DYM: variants seen among roughly 807,000 people sequenced by gnomAD.
The protein encoded by DYM is dyggve-Melchior-Clausen syndrome protein.
A neutral mutation model predicts 93.1 loss-of-function variants in DYM; 78 were observed. That is an observed-to-expected ratio of 0.84 (90% CI 0.70 to 1.01). The LOEUF is 1.01. DYM is among the 50% of genes least tolerant of loss of function. The pLI is 0.00. For synonymous variants in DYM, 321 were observed against 319.7 expected (o/e 1.00, Z -0.04); for missense variants, 789 against 845.0 (o/e 0.93, Z 0.82).
At chr18:49,092,583 C>T (rs542148885) in intron 17 of DYM, among the ~76,000 whole-genome samples, 20 of 152,332 alleles carry the variant, frequency 1.3e-4, no homozygotes, top group African/African-American at 3.8e-4. Flanking sequence ...GTTTCCCCAA[C>T]GTCCTAGCAA....
intron 8 of DYM, among the ~76,000 whole-genome samples, chr18:49,317,613 C>CTA (rs2062077679): frequency 2.2e-5 from 1 of 44,856 alleles, no homozygotes; most frequent in South Asian, 1.5e-3. Flanking sequence ...TCCCCCCTCC[C>CTA]TCCCTCCCTC....
chr18:49,222,515 A>G (rs1407661938), intron 13 of DYM, among the ~76,000 whole-genome samples: 1 of 152,198 alleles, frequency 6.6e-6, no homozygotes, highest in Non-Finnish European at 1.5e-5. Flanking sequence ...TCAAAAAGAC[A>G]TAAGAGGCAA....
intron 1 of DYM, among the ~76,000 whole-genome samples, chr18:49,434,238 T>G (rs996858802): frequency 1.3e-5 from 2 of 151,436 alleles, no homozygotes; most frequent in African/African-American, 4.9e-5. Flanking sequence ...TCCCAGCTAC[T>G]AGGGAGACTG....
chr18:49,337,359 T>TC (rs1225122957), intron 6 of DYM, among the ~76,000 whole-genome samples: 2 of 152,122 alleles, frequency 1.3e-5, no homozygotes, highest in Non-Finnish European at 2.9e-5. Context: ...AGAACCTCCC[T>TC]CCCCTCCATA....
chr18:49,246,868 T>C (rs1277997073), intron 13 of DYM, among the ~76,000 whole-genome samples: 1 of 152,230 alleles, frequency 6.6e-6, no homozygotes, highest in Non-Finnish European at 1.5e-5. Context: ...ATCAACTGGC[T>C]ACCTTACTGA....
chr18:49,345,248 C>CT (rs752359172), intron 6 of DYM, among the ~76,000 whole-genome samples: 48 of 151,028 alleles, frequency 3.2e-4, no homozygotes, highest in African/African-American at 7.8e-4. Context: ...CAAGTCATTT[C>CT]TTTTTTTTTA....
At chr18:49,125,720 C>T (rs975404301) in intron 15 of DYM, among the ~76,000 whole-genome samples, 1 of 152,212 alleles carries the variant, frequency 6.6e-6, no homozygotes, top group Non-Finnish European at 1.5e-5. Flanking sequence ...AGTGACTCCC[C>T]TTAATGCTAG....
intron 16 of DYM, among the ~76,000 whole-genome samples, chr18:49,108,857 C>G (rs745687075): frequency 2.0e-5 from 3 of 152,272 alleles, no homozygotes; most frequent in Non-Finnish European, 4.4e-5. Flanking sequence ...TCTTGCCATT[C>G]TATCAGTTTT....
At chr18:49,203,661 C>T (rs1484860645) in intron 14 of DYM, among the ~76,000 whole-genome samples, 2 of 140,926 alleles carry the variant, frequency 1.4e-5, no homozygotes, top group Non-Finnish European at 3.1e-5. Flanking sequence ...GCAGCATGCT[C>T]GTTAAGAGTC....
chr18:49,434,587 G>A (rs952295804), intron 1 of DYM, among the ~76,000 whole-genome samples: 1 of 152,142 alleles, frequency 6.6e-6, no homozygotes, highest in Non-Finnish European at 1.5e-5. Flanking sequence ...GGAGTGGGGA[G>A]GGTGGTAGAG....
intron 8 of DYM, among the ~76,000 whole-genome samples, chr18:49,300,601 CA>C (rs1234757700): frequency 6.5e-4 from 89 of 137,594 alleles, no homozygotes; most frequent in Middle Eastern, 3.8e-3. Context: ...ACTCAGTCTC[CA>C]AAAAAAAAAA....
intron 17 of DYM, among the ~76,000 whole-genome samples, chr18:49,079,489 G>A (rs2077604073): frequency 6.6e-6 from 1 of 152,058 alleles, no homozygotes; most frequent in African/African-American, 2.4e-5. Context: ...ATAGTGGAGG[G>A]AAGGTGGGCA....
At chr18:49,432,279 C>G (rs2080392948) in intron 1 of DYM, among the ~76,000 whole-genome samples, 1 of 132,492 alleles carries the variant, frequency 7.5e-6, no homozygotes, top group Admixed American at 8.7e-5. Context: ...TGCAGTGAGC[C>G]AAGATCACAC....
intron 1 of DYM, among the ~76,000 whole-genome samples, chr18:49,440,012 A>AT (rs1401049663): frequency 3.9e-5 from 1 of 25,530 alleles, no homozygotes; most frequent in Non-Finnish European, 7.1e-5. Flanking sequence ...TCTGTCACCA[A>AT]TAAATAAATA....
At chr18:49,317,672 CCTTCCTTCCTTCCTTCCTTT>C (rs1180134940) in intron 8 of DYM, among the ~76,000 whole-genome samples, 2 of 124,594 alleles carry the variant, frequency 1.6e-5, no homozygotes, top group African/African-American at 3.0e-5. Flanking sequence ...TTCCTTCCTT[CCTTCCTTCCTTCCTTCCTTT>C]CTTTCTTTCT....
chr18:49,152,183 A>T (rs1242912819), intron 15 of DYM, among the ~76,000 whole-genome samples: 3 of 152,240 alleles, frequency 2.0e-5, no homozygotes, highest in Non-Finnish European at 4.4e-5. Flanking sequence ...TAATTTTTTT[A>T]AAAGTCCTTA....
chr18:49,412,798 G>T (rs946501378), intron 2 of DYM, among the ~76,000 whole-genome samples: 1 of 152,170 alleles, frequency 6.6e-6, no homozygotes, highest in African/African-American at 2.4e-5. Flanking sequence ...ACAATCACTT[G>T]CTTCTGTCAG....
At chr18:49,249,455 A>G (rs956999752) in intron 13 of DYM, among the ~76,000 whole-genome samples, 3 of 152,180 alleles carry the variant, frequency 2.0e-5, no homozygotes, top group African/African-American at 7.2e-5. Context: ...TTCATGTTTG[A>G]GAAAAAAACC....
chr18:49,149,148 G>A (rs1158325659), intron 15 of DYM, among the ~76,000 whole-genome samples: 2 of 152,068 alleles, frequency 1.3e-5, no homozygotes, highest in African/African-American at 4.8e-5. Context: ...TAGGGTTGGC[G>A]CTCCTATGAG....
Sources: allele counts gnomAD v4.1 joint callset (sites outside exome capture counted in the v4.1 genomes callset), GRCh38; gene constraint gnomAD v4.1.1; transcripts MANE v1.5; gene names NCBI Gene and HGNC (gene_info 2026-07-23, HGNC 2026-07-21).